The following IGF1R variants were observed in gnomAD, a reference collection of about 807,000 sequenced individuals.
IGF1R encodes the protein insulin like growth factor 1 receptor, also known as insulin-like growth factor 1 receptor.
In IGF1R, 44 loss-of-function variants were observed where a neutral mutation model predicts 144.6. The ratio of observed to expected loss-of-function variants is 0.30; its 90% CI spans 0.24 to 0.39. The LOEUF is 0.39. IGF1R is among the 10% of genes least tolerant of loss of function. The probability of loss-of-function intolerance (pLI) is 1.00; values close to 1 mark genes in which losing one functional copy is unlikely to be tolerated. For synonymous variants in IGF1R, 795 were observed against 722.8 expected, an observed-to-expected ratio of 1.10 and a Z score of -1.60; for missense variants, 1,355 against 1,833.7, an observed-to-expected ratio of 0.74 and a Z score of 4.77.
intron 2 of IGF1R, among the ~76,000 whole-genome samples, chr15:98,822,783 T>C (rs1568500): frequency 0.085 from 13,006 of 152,252 alleles, 1,147 homozygotes; most frequent in African/African-American, 0.22. Flanking sequence ...GCTCCAGCTT[T>C]TGGTGGTCAC....
rs1182268402 is a variant in IGF1R, at chr15:98,891,829, GC to G, written c.953+198del. Among the ~76,000 whole-genome samples, 1 of 152,140 alleles carries G rather than the reference GC, an allele frequency of 6.6e-6. No individual in the cohort carries two copies. Among genetic ancestry groups the G allele is most frequent in the East Asian group, 1.9e-4 (1 of 5,192 alleles). ...CTAGGAACAATTGGCATGGCTTACC[GC>G]CCCCCTCACCAGTTTGTTTTATATT... On this transcript the variant is annotated intron_variant, in intron 3 of 20. Coordinates refer to ENST00000650285, the MANE Select transcript of IGF1R (RefSeq NM_000875.5). The surrounding 1 kb of genome is among the most constrained non-coding windows in gnomAD (Gnocchi z 4.7).
intron 2 of IGF1R, among the ~76,000 whole-genome samples, chr15:98,844,863 C>G (rs1254369082): frequency 3.3e-5 from 5 of 152,072 alleles, no homozygotes. Context: ...CTTCTAAATG[C>G]CAATCTTTCC....
At chr15:98,914,040 G>A (rs1203129413) in intron 8 of IGF1R, among the ~76,000 whole-genome samples, 2 of 152,194 alleles carry the variant, frequency 1.3e-5, no homozygotes, top group African/African-American at 4.8e-5. Context: ...AGATCAAGGC[G>A]CTGGCAGATT....
intron 1 of IGF1R, among the ~76,000 whole-genome samples, chr15:98,650,424 C>T (rs1229627133): frequency 3.3e-5 from 5 of 152,204 alleles, no homozygotes; most frequent in African/African-American, 2.4e-5. Flanking sequence ...AGTGCGAGGC[C>T]GGGAGTCTTC....
intron 2 of IGF1R, among the ~76,000 whole-genome samples, chr15:98,757,697 T>C (rs553078096): frequency 5.9e-5 from 9 of 152,316 alleles, no homozygotes; most frequent in African/African-American, 2.2e-4. Flanking sequence ...TGGTATACTC[T>C]TGTTCAATTG....
intron 2 of IGF1R, among the ~76,000 whole-genome samples, chr15:98,762,961 G>T (rs1287988142): frequency 6.6e-6 from 1 of 151,036 alleles, no homozygotes; most frequent in Non-Finnish European, 1.5e-5. Context: ...CAGGAGAATT[G>T]CTTGAACCTG....
intron 5 of IGF1R, among the ~76,000 whole-genome samples, chr15:98,907,344 G>A (rs1430422104): frequency 1.3e-5 from 2 of 152,228 alleles, no homozygotes; most frequent in Non-Finnish European, 2.9e-5. Context: ...ACCAGATGCA[G>A]AGAGATCCCC....
At chr15:98,862,800 T>C (rs2012228527) in intron 2 of IGF1R, among the ~76,000 whole-genome samples, 1 of 152,228 alleles carries the variant, frequency 6.6e-6, no homozygotes, top group South Asian at 2.1e-4. Context: ...TTAAAAACGT[T>C]TATTAACTTT....
chr15:98,906,190 T>G (rs62023648), intron 5 of IGF1R, among the ~76,000 whole-genome samples: 2,558 of 152,374 alleles, frequency 0.017, 32 homozygotes, highest in Non-Finnish European at 0.028. Flanking sequence ...TTATAATTCA[T>G]GCTTCCTCCC....
At chr15:98,775,388 G>A (rs2055687037) in intron 2 of IGF1R, among the ~76,000 whole-genome samples, 1 of 152,190 alleles carries the variant, frequency 6.6e-6, no homozygotes, top group Admixed American at 6.5e-5. Context: ...TAGACCAACT[G>A]AATCACCATT....
chr15:98,890,172 T>C (rs773993878), intron 2 of IGF1R, among the ~76,000 whole-genome samples: 16 of 152,192 alleles, frequency 1.1e-4, no homozygotes, highest in Non-Finnish European at 1.5e-4. Flanking sequence ...GTCAGAGGCA[T>C]TGAAACCAGA....
At chr15:98,845,784 AG>A (rs766178859) in intron 2 of IGF1R, among the ~76,000 whole-genome samples, 8 of 152,022 alleles carry the variant, frequency 5.3e-5, no homozygotes, top group Non-Finnish European at 1.2e-4. Context: ...TTTGCCCATA[AG>A]TGTTTCAAAG....
chr15:98,655,360 G>A (rs886291945), intron 1 of IGF1R, among the ~76,000 whole-genome samples: 14 of 152,160 alleles, frequency 9.2e-5, no homozygotes, highest in South Asian at 8.3e-4. Flanking sequence ...AATTTTACTC[G>A]TTTGAAAGTC....
Position 98,738,794 on chromosome 15 carries a change from G to T in IGF1R, c.640+30687G>T, listed in dbSNP as rs549020731. ...ACAGTTTGCCGGTCATTTCCCCAGT[G>T]TACTCACTGGATTCTTCCCGCAGCC... On this transcript the variant is annotated intron_variant, in intron 2 of 20. Transcript: ENST00000650285. Among the ~76,000 whole-genome samples, 6 of 152,280 alleles carry T rather than the reference G, an allele frequency of 3.9e-5. No homozygotes were observed. In the South Asian group the frequency reaches 1.2e-3, roughly 32 times the overall value.
intron 2 of IGF1R, among the ~76,000 whole-genome samples, chr15:98,756,893 A>C (rs1201160064): frequency 6.6e-6 from 1 of 151,846 alleles, no homozygotes; most frequent in African/African-American, 2.4e-5. Flanking sequence ...CTGTCCTTGA[A>C]TTTTTCTTTT....
intron 2 of IGF1R, among the ~76,000 whole-genome samples, chr15:98,887,033 A>C (rs1318274719): frequency 1.3e-5 from 2 of 152,152 alleles, no homozygotes; most frequent in African/African-American, 2.4e-5. Context: ...GCATGTGCTT[A>C]TGCATAGTTT....
chr15:98,743,426 G>A (rs1467102977), intron 2 of IGF1R, among the ~76,000 whole-genome samples: 2 of 152,150 alleles, frequency 1.3e-5, no homozygotes, highest in Non-Finnish European at 2.9e-5. Flanking sequence ...AGTCATTTGT[G>A]TAGAGTGGCA....
At chr15:98,921,215 G>A (rs561555215) in intron 10 of IGF1R, among the ~76,000 whole-genome samples, 12 of 152,152 alleles carry the variant, frequency 7.9e-5, no homozygotes, top group East Asian at 3.9e-4. Flanking sequence ...TGCTCCTCTC[G>A]TATTCTGTTT....
rs748872697 is a variant in IGF1R, at chr15:98,924,684, A to G, written c.2782A>G (p.Thr928Ala). ...TGTGTTCTTCTATGTCCAGGCCAAA[A>G]GTAAGGCTTGTGGAGGGAGAAGAAA... Reference protein sequence around the residue: ...DPVFFYVQAKTGYENFIHLII... With the variant: ...DPVFFYVQAKAGYENFIHLII... The change falls in exon 13 of 21, where the codon ACA (threonine) becomes GCA (alanine). Residue 928 changes from threonine to alanine, a missense_variant and splice_region_variant. Thr to Ala is a moderately conservative substitution (Grantham distance 58, BLOSUM62 0). Coordinates refer to ENST00000650285, the MANE Select transcript of IGF1R (RefSeq NM_000875.5). The G allele has an allele frequency of 3.1e-5, 50 of 1,613,158 alleles. No homozygotes were observed. Among genetic ancestry groups the G allele is most frequent in the Non-Finnish European group, 4.2e-6 (5 of 1,179,858 alleles).
Sources: allele counts gnomAD v4.1 joint callset (sites outside exome capture counted in the v4.1 genomes callset), GRCh38; gene constraint gnomAD v4.1.1; non-coding constraint Gnocchi (gnomAD v3.1); transcripts MANE v1.5; gene names NCBI Gene and HGNC (gene_info 2026-07-23, HGNC 2026-07-21).